The following LMNA variants were observed in gnomAD, a reference collection of about 807,000 sequenced individuals.
LMNA encodes the protein lamin A/C, also known as lamin.
A neutral mutation model predicts 70.4 loss-of-function variants in LMNA; 20 were observed. The ratio of observed to expected loss-of-function variants is 0.28; its 90% CI spans 0.20 to 0.41. The LOEUF is 0.41. Ranked by LOEUF, LMNA falls within the 10% of genes least tolerant of loss-of-function variation. The pLI is 1.00. For synonymous variants in LMNA, 339 were observed against 372.8 expected (o/e 0.91, Z 1.04); for missense variants, 652 against 917.2 (o/e 0.71, Z 3.73).
intron 1 of LMNA, among the ~76,000 whole-genome samples, chr1:156,118,448 G>A (rs539000749): frequency 6.6e-6 from 1 of 152,244 alleles, no homozygotes; most frequent in South Asian, 2.1e-4. Context: ...GTGTGTACTT[G>A]TTATATTTAG....
intron 3 of LMNA, among the ~76,000 whole-genome samples, chr1:156,097,291 CAG>C (rs1263691212): frequency 2.0e-5 from 3 of 152,194 alleles, no homozygotes; most frequent in African/African-American, 7.2e-5. Context: ...GGGAAGGCTG[CAG>C]AGTGACCTGG....
At position 156,126,790 on chromosome 1, in the gene LMNA, A is replaced by G. The variant is rs1282719662; in HGVS notation, c.357-3827A>G. The G allele has an allele frequency of 3.1e-6, 5 of 1,605,428 alleles. No individual in the cohort carries two copies. In the African/African-American group the frequency reaches 4.0e-5, roughly 13 times the overall value. On this transcript the variant is annotated intron_variant, in intron 1 of 11. Transcript: ENST00000368300. ...AGGATGCCCAGCCCTTCTCGCCTCA[A>G]GAGGCCACTGGGATGCAGCCACTCC...
Position 156,136,764 on chromosome 1 carries a change from G to T in LMNA, c.1381-157G>T, listed in dbSNP as rs183167478. 1.9e-5 allele frequency: 14 copies of T among 726,972 alleles called. No individual in the cohort carries two copies. Among genetic ancestry groups the T allele is most frequent in the South Asian group, 6.0e-5 (4 of 67,020 alleles). 45.0% of individuals were successfully genotyped at this position (726,972 alleles called of 1,614,324 possible). A position where few individuals can be genotyped will look rare whatever the true frequency, so the allele number is the denominator to read the frequency against. On this transcript the variant is annotated intron_variant, in intron 7 of 11. Transcript: ENST00000368300. The surrounding 1 kb of genome is among the most constrained non-coding windows in gnomAD (Gnocchi z 6.1). Reference sequence around the variant, plus strand: ...TGCTGCGTATGTGTCCACAGATCATGGCTATTATCCCCGGGGGAAGGGCAG... The same window carrying T: ...TGCTGCGTATGTGTCCACAGATCATTGCTATTATCCCCGGGGGAAGGGCAG...
intron 1 of LMNA, chr1:156,082,779 C>G (rs1157890710): frequency 1.3e-5 from 2 of 151,260 alleles, no homozygotes; most frequent in Non-Finnish European, 2.9e-5. Context: ...CTGCCCCGCG[C>G]CGGCCGGTCC....
At chr1:156,114,600 C>A, upstream of LMNA, 1 of 289,798 alleles carries the variant, frequency 3.5e-6, no homozygotes, top group Middle Eastern at 1.0e-3. Flanking sequence ...CCCCTCCTCA[C>A]CACTCCCGCC....
intron 3 of LMNA, among the ~76,000 whole-genome samples, chr1:156,098,146 T>G (rs1161557928): frequency 6.6e-6 from 1 of 152,244 alleles, no homozygotes; most frequent in African/African-American, 2.4e-5. Context: ...CTTGATAGCA[T>G]GCAAGAGCAT....
upstream of LMNA, among the ~76,000 whole-genome samples, chr1:156,113,748 A>G (rs1649626983): frequency 6.6e-6 from 1 of 152,160 alleles, no homozygotes; most frequent in South Asian, 2.1e-4. Flanking sequence ...TCTGGGACCT[A>G]GTGTCTTGGC....
Position 156,138,710 on chromosome 1 carries a change from C to A in LMNA, c.1921C>A (p.Leu641Met). Residue 641 changes from leucine to methionine, a missense_variant, in exon 11 of 12, where the codon CTG becomes ATG. This residue lies in a region of LMNA where 327 missense variants were observed against 387.6 expected (regional missense o/e 0.84). Coordinates refer to ENST00000368300, the MANE Select transcript of LMNA (RefSeq NM_170707.4). The surrounding 1 kb of genome is among the most constrained non-coding windows in gnomAD (Gnocchi z 5.5). ...GSGGGSFGDN[L>M]VTRSYLLGNS... ...TGGGGGTGGCAGCTTCGGGGACAAT[C>A]TGGTCACCCGCTCCTACCTCCTGGG... The A allele has an allele frequency of 6.2e-7, 1 of 1,613,552 alleles. No individual in the cohort carries two copies. The highest frequency in any genetic ancestry group is 8.5e-7 in the Non-Finnish European group (1 of 1,179,990).
At position 156,130,728 on chromosome 1, in the gene LMNA, C is replaced by T. The variant is rs1650983094; in HGVS notation, c.468C>T (p.Arg156=). Reference sequence around the variant, plus strand: ...TGAGCACTGCTCTCAGTGAGAAGCGCACGCTGGAGGGCGAGCTGCATGATC... The same window carrying T: ...TGAGCACTGCTCTCAGTGAGAAGCGTACGCTGGAGGGCGAGCTGCATGATC... The part of the protein sequence containing the change: ...AALSTALSEK[R]TLEGELHDLR... Residue 156 remains arginine (R), a synonymous_variant, in exon 2 of 12, where the codon CGC becomes CGT. Coordinates refer to ENST00000368300, the MANE Select transcript of LMNA (RefSeq NM_170707.4). The T allele has an allele frequency of 3.1e-6, 5 of 1,610,358 alleles. No individual in the cohort carries two copies. Among genetic ancestry groups the T allele is most frequent in the Non-Finnish European group, 4.2e-6 (5 of 1,178,580 alleles).
chr1:156,126,776 C>A, intron 1 of LMNA: 1 of 1,594,776 alleles, frequency 6.3e-7, no homozygotes, highest in Non-Finnish European at 8.5e-7. Flanking sequence ...GGATGCCCAG[C>A]CCTTCTCGCC....
intron 3 of LMNA, among the ~76,000 whole-genome samples, chr1:156,091,271 A>C (rs1217990098): frequency 6.6e-6 from 1 of 152,220 alleles, no homozygotes; most frequent in Non-Finnish European, 1.5e-5. Context: ...CCTGGGTCTG[A>C]AGGGAAATAA....
chr1:156,133,170 G>A (rs889062610), intron 2 of LMNA, among the ~76,000 whole-genome samples: 1 of 151,856 alleles, frequency 6.6e-6, no homozygotes, highest in African/African-American at 2.4e-5. Flanking sequence ...GTTGAGGCTG[G>A]TCTTGAACTC....
upstream of LMNA, among the ~76,000 whole-genome samples, chr1:156,110,844 TG>T (rs1649509530): frequency 6.6e-6 from 1 of 151,292 alleles, no homozygotes; most frequent in African/African-American, 2.4e-5. Flanking sequence ...GGTGTGGTGG[TG>T]GGTGCCTATA....
chr1:156,108,282 A>T (rs1000793985), intron 3 of LMNA, among the ~76,000 whole-genome samples: 2 of 152,132 alleles, frequency 1.3e-5, no homozygotes, highest in African/African-American at 4.8e-5. Flanking sequence ...AATACCCTGT[A>T]GTCAAAGGAT....
rs1651946737 is a variant in LMNA, at chr1:156,139,664, G to A, written c.*558G>A. ...CTGTGATTCCACTACACCTGGCTGA[G>A]GTTCCTCTGCCTGCCCCGCCCCCAG... On this transcript the variant is annotated 3_prime_UTR_variant, in exon 12 of 12. Transcript: ENST00000368300. The A allele has an allele frequency of 2.7e-6, 4 of 1,503,240 alleles. No individual in the cohort carries two copies. In the Admixed American group the frequency reaches 8.3e-5, roughly 31 times the overall value. 93.1% of individuals were successfully genotyped at this position (1,503,240 alleles called of 1,614,324 possible).
chr1:156,105,078 A>C lies in LMNA; in HGVS notation c.-206-9635A>C, dbSNP rs188605076. On this transcript the variant is annotated intron_variant, in intron 3 of 12. Transcript: ENST00000368301. The stretch of plus-strand genomic sequence containing the variant: ...ATCCTCCTCCCCCAGTGGTTTTCTC[A>C]TTACCTGTCACTGACGGAGAGCCCC... 8.6e-4 allele frequency among the ~76,000 whole-genome samples: 130 copies of C among 152,046 alleles called. 2 individuals are homozygous for C. The East Asian group carries it at 0.024, about 28-fold the overall frequency.
In LMNA at chr1:156,103,220, TC is replaced by T. The variant is rs1224826088; in HGVS notation, c.-206-11492del. ...CCTCCTTCCTGCCCCCACAGCTTCCTCTTTGTGTCCTGCCTACCAGTCCTTC... is the reference window on the plus strand; with the variant it reads ...CCTCCTTCCTGCCCCCACAGCTTCCTTTTGTGTCCTGCCTACCAGTCCTTC... On this transcript the variant is annotated intron_variant, in intron 3 of 12. Transcript: ENST00000368301. This position sits in a 1 kb window ranked among gnomAD's most constrained non-coding sequence, Gnocchi z 4.7. Among the ~76,000 whole-genome samples, 1 of 152,172 alleles carries T rather than the reference TC, an allele frequency of 6.6e-6. No homozygotes were observed. The highest frequency in any genetic ancestry group is 1.9e-4 in the East Asian group (1 of 5,192).
At chr1:156,107,286 C>T (rs1377411391) in intron 3 of LMNA, among the ~76,000 whole-genome samples, 6 of 152,332 alleles carry the variant, frequency 3.9e-5, no homozygotes, top group African/African-American at 1.4e-4. Context: ...AGCCACTTCC[C>T]GACTTTGTAG....
At chr1:156,113,947 C>T (rs770890940), upstream of LMNA, among the ~76,000 whole-genome samples, 12 of 152,134 alleles carry the variant, frequency 7.9e-5, no homozygotes, top group Admixed American at 2.0e-4. Flanking sequence ...CAGTGCCTGG[C>T]TCCTATTCTT....
Sources: gnomAD v4.1 joint callset for allele counts (sites outside exome capture counted in the v4.1 genomes callset) on GRCh38, gnomAD v4.1.1 for gene constraint, gnomAD v4.1.1 regional missense constraint, Gnocchi (gnomAD v3.1) non-coding constraint, MANE v1.5 for transcripts, NCBI Gene and HGNC (gene_info 2026-07-23, HGNC 2026-07-21) for gene names.